SSH2: variants seen among roughly 807,000 people sequenced by gnomAD.
SSH2 encodes slingshot protein phosphatase 2.
Under a neutral mutation model 135.2 loss-of-function variants are expected in SSH2, and 37 were observed. That is an observed-to-expected ratio of 0.27 (90% CI 0.21 to 0.36). The LOEUF (loss-of-function observed/expected upper bound fraction) is 0.36. Among genes scored for constraint, SSH2 ranks in the 10% least tolerant of loss-of-function variants. The pLI is 1.00. For missense variants in SSH2, 1,408 were observed against 1,765.3 expected (o/e 0.80, Z 3.63); for synonymous variants, 628 against 646.2 (o/e 0.97, Z 0.43).
At chr17:29,815,843 T>G (rs927546547) in intron 2 of SSH2, among the ~76,000 whole-genome samples, 1 of 151,984 alleles carries the variant, frequency 6.6e-6, no homozygotes, top group African/African-American at 2.4e-5. Flanking sequence ...GATTGTTTAT[T>G]TTTTATTTTT....
chr17:29,866,923 C>T (rs1252598810), intron 1 of SSH2, among the ~76,000 whole-genome samples: 1 of 152,126 alleles, frequency 6.6e-6, no homozygotes, highest in Non-Finnish European at 1.5e-5. Flanking sequence ...AACTCCATCA[C>T]CAGGGCTCAC....
chr17:29,874,130 A>G (rs2065986376), intron 1 of SSH2, among the ~76,000 whole-genome samples: 1 of 151,996 alleles, frequency 6.6e-6, no homozygotes, highest in African/African-American at 2.4e-5. Context: ...CCATCTCTAC[A>G]GAAAATACAA....
At position 29,629,890 on chromosome 17, in the gene SSH2, A is replaced by G. The variant is rs1315189947; in HGVS notation, c.*951T>C. On this transcript the variant is annotated 3_prime_UTR_variant, in exon 16 of 16. Transcript: ENST00000540801. The stretch of plus-strand genomic sequence containing the variant: ...TATGGCCATTAAACTCAGAAGGCCC[A>G]AAGAATTATTCAAGTAATGGAAGGG... 1 of 152,686 alleles carries G rather than the reference A, an allele frequency of 6.5e-6. No homozygotes were observed. Among genetic ancestry groups the G allele is most frequent in the Non-Finnish European group, 1.5e-5 (1 of 68,054 alleles). The allele number at this position is 152,686 out of a possible 1,614,324, so 9.5% of individuals were successfully genotyped here.
intron 1 of SSH2, among the ~76,000 whole-genome samples, chr17:29,895,216 AT>A (rs959390775): frequency 7.0e-6 from 1 of 142,776 alleles, no homozygotes; most frequent in African/African-American, 2.6e-5. Flanking sequence ...TATTATATAT[AT>A]TTTATAAATA....
chr17:29,738,776 A>G lies in SSH2; in HGVS notation c.189-35714T>C, dbSNP rs550495639. ...TCACTGTGTTAGCCAGGATGGTCTC[A>G]ATCTACTGACCTTGTGATCCGCCCG... On this transcript the variant is annotated intron_variant, in intron 3 of 15. Transcript: ENST00000540801. Among the ~76,000 whole-genome samples, 16 of 151,872 alleles carry G rather than the reference A, an allele frequency of 1.1e-4. 1 individual carries two copies. In the South Asian group the frequency reaches 1.5e-3, roughly 14 times the overall value.
rs751653832 is a variant in SSH2 at position 29,655,640 on chromosome 17, T to C, written c.1033-33A>G. 2.5e-6 allele frequency: 4 copies of C among 1,599,688 alleles called. No homozygotes were observed. The South Asian group carries it at 3.3e-5, about 13-fold the overall frequency. ...GCCAAAAAGACAAGGTTAAGGAGTATTAGCAAATCAACCAAACAATACTTG... is the reference window on the plus strand; with the variant it reads ...GCCAAAAAGACAAGGTTAAGGAGTACTAGCAAATCAACCAAACAATACTTG... On this transcript the variant is annotated intron_variant, in intron 11 of 15. Coordinates refer to ENST00000540801, the MANE Select transcript of SSH2 (RefSeq NM_001282129.2).
intron 3 of SSH2, among the ~76,000 whole-genome samples, chr17:29,792,915 C>A (rs986238794): frequency 3.3e-5 from 5 of 152,170 alleles, no homozygotes; most frequent in African/African-American, 1.2e-4. Context: ...ACCTCGTGAT[C>A]CGCCTGCCTC....
At chr17:29,709,013 T>TAG (rs779414759) in intron 3 of SSH2, among the ~76,000 whole-genome samples, 123 of 88,152 alleles carry the variant, frequency 1.4e-3, no homozygotes, top group African/African-American at 2.9e-3. Context: ...TATATATATA[T>TAG]ATAGAGAGAG....
intron 13 of SSH2, among the ~76,000 whole-genome samples, chr17:29,650,126 G>A (rs554280105): frequency 2.0e-5 from 3 of 152,232 alleles, no homozygotes; most frequent in South Asian, 2.1e-4. Context: ...CAAACACTAA[G>A]TTAATACAAA....
rs1441177538 is a variant in SSH2 at position 29,671,940 on chromosome 17, G to A, written c.804C>T (p.Thr268=). 14 of 1,612,142 alleles carry A rather than the reference G, an allele frequency of 8.7e-6. No individual in the cohort carries two copies. Among genetic ancestry groups the A allele is most frequent in the South Asian group, 1.1e-5 (1 of 90,882 alleles). The stretch of plus-strand genomic sequence containing the variant: ...TCCTTAGCAAACTGACTTACATGTC[G>A]GTGAAGAGAGCTGGAGAGTCGGGCC... ...SHRPDSPALF[T]DIPTERERTE... Residue 268 remains threonine, a synonymous_variant, in exon 9 of 16, where the codon ACC becomes ACT. Transcript: ENST00000540801.
intron 1 of SSH2, among the ~76,000 whole-genome samples, chr17:29,849,881 T>TA (rs2065521890): frequency 7.5e-6 from 1 of 133,650 alleles, no homozygotes; most frequent in Non-Finnish European, 1.6e-5. Context: ...TATATATATA[T>TA]TAGCCGGGCA....
chr17:29,758,308 A>G (rs190079186), intron 3 of SSH2, among the ~76,000 whole-genome samples: 12 of 152,310 alleles, frequency 7.9e-5, no homozygotes, highest in Non-Finnish European at 1.3e-4. Flanking sequence ...TAGGAAATAG[A>G]TCTGGATTCT....
chr17:29,926,909 C>A (rs563999632), intron 1 of SSH2, among the ~76,000 whole-genome samples: 20 of 152,258 alleles, frequency 1.3e-4, no homozygotes, highest in African/African-American at 4.8e-4. Flanking sequence ...ATTAGGCATA[C>A]TTTTTGATCA....
At chr17:29,704,013 A>G (rs2039098190) in intron 3 of SSH2, among the ~76,000 whole-genome samples, 2 of 152,248 alleles carry the variant, frequency 1.3e-5, no homozygotes, top group African/African-American at 4.8e-5. Context: ...TCTGTAAAAC[A>G]GGGATAATAA....
At chr17:29,641,382 C>G (rs563920557) in intron 14 of SSH2, among the ~76,000 whole-genome samples, 4 of 152,150 alleles carry the variant, frequency 2.6e-5, no homozygotes, top group African/African-American at 4.8e-5. Flanking sequence ...CCTCCCACCC[C>G]CTTCCAGGCA....
chr17:29,747,462 C>T (rs550479412), intron 3 of SSH2, among the ~76,000 whole-genome samples: 2 of 152,242 alleles, frequency 1.3e-5, no homozygotes, highest in East Asian at 3.9e-4. Flanking sequence ...ACACAACATG[C>T]AAAAAGGGTG....
At chr17:29,809,021 A>G (rs763673336) in intron 2 of SSH2, among the ~76,000 whole-genome samples, 3 of 152,202 alleles carry the variant, frequency 2.0e-5, no homozygotes, top group Admixed American at 1.3e-4. Context: ...TGGGAGGCTG[A>G]GGCGGGCAGG....
At chr17:29,800,448 T>G (rs1302395506) in intron 2 of SSH2, among the ~76,000 whole-genome samples, 1 of 152,202 alleles carries the variant, frequency 6.6e-6, no homozygotes, top group Non-Finnish European at 1.5e-5. Flanking sequence ...TTCTAACAAG[T>G]GCAGAAACCA....
chr17:29,675,631 C>T (rs2151055014), intron 8 of SSH2, among the ~76,000 whole-genome samples: 1 of 150,884 alleles, frequency 6.6e-6, no homozygotes, highest in Non-Finnish European at 1.5e-5. Flanking sequence ...CCCGTCTCCA[C>T]AAAAAAAATT....
Sources: gnomAD v4.1 joint callset for allele counts (sites outside exome capture counted in the v4.1 genomes callset) on GRCh38, gnomAD v4.1.1 for gene constraint, MANE v1.5 for transcripts, NCBI Gene and HGNC (gene_info 2026-07-23, HGNC 2026-07-21) for gene names.